The following USP53 variants were observed in gnomAD, a reference collection of about 807,000 sequenced individuals.
The protein encoded by USP53 is ubiquitin carboxyl-terminal hydrolase 53.
Under a neutral mutation model 94.9 loss-of-function variants are expected in USP53, and 71 were observed. The ratio of observed to expected loss-of-function variants is 0.75; its 90% CI spans 0.62 to 0.91. The LOEUF is 0.91. Ranked by LOEUF, USP53 falls within the 40% of genes least tolerant of loss-of-function variation. The pLI, the probability that USP53 is intolerant of heterozygous loss-of-function variation, is 0.00. For missense variants in USP53, 1,173 were observed against 1,281.0 expected, an observed-to-expected ratio of 0.92 and a Z score of 1.29; for synonymous variants, 375 against 422.7, an observed-to-expected ratio of 0.89 and a Z score of 1.39.
chr4:119,256,605 G>A, intron 9 of USP53, 82 bp downstream of exon 9: 7 of 1,396,696 alleles, frequency 5.0e-6, no homozygotes, highest in Non-Finnish European at 7.1e-6. Flanking sequence ...TAAAATCATA[G>A]CATACATGAA....
chr4:119,271,977 T>C lies in USP53; in HGVS notation c.2117T>C (p.Ile706Thr), dbSNP rs1025445907. 3 of 1,613,182 alleles carry C rather than the reference T, an allele frequency of 1.9e-6. No homozygotes were observed. The highest frequency in any genetic ancestry group is 1.7e-5 in the Admixed American group (1 of 59,822). The change falls in exon 16 of 19, where the codon ATC becomes ACC. Residue 706 changes from isoleucine (I) to threonine (T), a missense_variant. Coordinates refer to ENST00000692078, the MANE Select transcript of USP53 (RefSeq NM_001371395.1). ...TCTACTAATTTGGACTCACCTGTTA[T>C]CGATGGAAATGGTACAGTAATGGAT... is the stretch of plus-strand genomic sequence containing the variant. ...NGSTNLDSPV[I>T]DGNGTVMDIS...
intron 7 of USP53, among the ~76,000 whole-genome samples, chr4:119,254,999 GGGGTTTGCT>G (rs1219155095): frequency 6.6e-6 from 1 of 152,124 alleles, no homozygotes; most frequent in African/African-American, 2.4e-5. Context: ...CAGGTCTGTT[GGGGTTTGCT>G]GGAGGTCCAC....
At chr4:119,228,113 C>T (rs903691314) in intron 3 of USP53, among the ~76,000 whole-genome samples, 5 of 152,184 alleles carry the variant, frequency 3.3e-5, no homozygotes, top group Non-Finnish European at 5.9e-5. Flanking sequence ...GGTCAGAAGT[C>T]TAGGTCGTTT....
At chr4:119,251,907 A>G (rs779088767) in intron 7 of USP53, among the ~76,000 whole-genome samples, 2 of 152,148 alleles carry the variant, frequency 1.3e-5, no homozygotes, top group African/African-American at 4.8e-5. Flanking sequence ...GATACATTCT[A>G]TTGATACCTA....
chr4:119,280,817 G>A (rs1371695617), intron 17 of USP53, among the ~76,000 whole-genome samples: 1 of 152,218 alleles, frequency 6.6e-6, no homozygotes, highest in African/African-American at 2.4e-5. Flanking sequence ...GGGGATATGG[G>A]TGAGGAGGAC....
At chr4:119,261,924 T>G (rs895537077) in intron 12 of USP53, 60 bp downstream of exon 12, 4 of 1,235,704 alleles carry the variant, frequency 3.2e-6, no homozygotes, top group Non-Finnish European at 4.3e-6. Flanking sequence ...TGTTAATAAA[T>G]GATATATTGA....
In USP53 at chr4:119,292,418, A is replaced by C. The variant is rs777022555; in HGVS notation, c.2429A>C (p.His810Pro). 9 of 1,613,878 alleles carry C rather than the reference A, an allele frequency of 5.6e-6. No homozygotes were observed. In the East Asian group the frequency reaches 6.7e-5, roughly 12 times the overall value. Residue 810 changes from histidine to proline, a missense_variant, in exon 19 of 19, where the codon CAT (histidine) becomes CCT (proline). Physicochemically the swap from His to Pro is moderately conservative, Grantham distance 77. Coordinates refer to ENST00000692078, the MANE Select transcript of USP53 (RefSeq NM_001371395.1). Reference protein sequence around the residue: ...QIPKDHNAREHIHQSDEQKLE... With the variant: ...QIPKDHNAREPIHQSDEQKLE... ...CCCAAGGACCATAATGCAAGAGAAC[A>C]TATCCACCAGTCAGATGAACAGAAA...
intron 3 of USP53, among the ~76,000 whole-genome samples, chr4:119,233,164 TTCTC>T (rs1354403347): frequency 3.7e-4 from 54 of 146,128 alleles, no homozygotes; most frequent in Admixed American, 2.7e-4. Context: ...GTGTTTATGT[TTCTC>T]TCTCTCTTTT....
intron 17 of USP53, among the ~76,000 whole-genome samples, chr4:119,279,360 G>A (rs1180519720): frequency 4.7e-5 from 7 of 149,628 alleles, no homozygotes; most frequent in Admixed American, 6.7e-5. Context: ...GTACCCTGCC[G>A]TGTGAGGTGT....
intron 2 of USP53, among the ~76,000 whole-genome samples, chr4:119,216,387 A>G (rs1263895940): frequency 6.6e-6 from 1 of 152,124 alleles, no homozygotes; most frequent in Non-Finnish European, 1.5e-5. Context: ...TCTAAAAAAA[A>G]AAAAAAATCA....
intron 15 of USP53, among the ~76,000 whole-genome samples, chr4:119,270,805 A>G (rs1751761615): frequency 6.6e-6 from 1 of 152,214 alleles, no homozygotes; most frequent in African/African-American, 2.4e-5. Flanking sequence ...GAGCCATAGC[A>G]TAAAATTCCT....
At chr4:119,282,959 T>C (rs1021094271) in intron 17 of USP53, among the ~76,000 whole-genome samples, 3 of 152,020 alleles carry the variant, frequency 2.0e-5, no homozygotes, top group African/African-American at 7.2e-5. Flanking sequence ...TGTCAATTTT[T>C]AATATTAGTC....
At chr4:119,248,631 A>T in intron 6 of USP53, 117 bp from the exon 7 acceptor site, 2 of 1,263,478 alleles carry the variant, frequency 1.6e-6, no homozygotes, top group South Asian at 3.3e-5. Flanking sequence ...TTTAGAGCAA[A>T]AGACTTCTGT....
At chr4:119,267,263 G>GT in intron 12 of USP53, 57 bp from the exon 13 acceptor site, 2 of 1,536,040 alleles carry the variant, frequency 1.3e-6, no homozygotes, top group Non-Finnish European at 1.8e-6. Context: ...GTCTTTTCAT[G>GT]TAACACATTG....
chr4:119,280,190 C>T (rs553106067), intron 17 of USP53, among the ~76,000 whole-genome samples: 2 of 151,282 alleles, frequency 1.3e-5, no homozygotes, highest in East Asian at 3.9e-4. Flanking sequence ...CATTAGATTG[C>T]TTCCTTTTTT....
intron 3 of USP53, among the ~76,000 whole-genome samples, chr4:119,227,946 TG>T (rs1745546924): frequency 6.6e-6 from 1 of 152,250 alleles, no homozygotes; most frequent in Non-Finnish European, 1.5e-5. Context: ...CTCAAAAGTA[TG>T]AGTCCATTTA....
At chr4:119,250,865 T>C (rs1034733681) in intron 7 of USP53, among the ~76,000 whole-genome samples, 1 of 152,082 alleles carries the variant, frequency 6.6e-6, no homozygotes, top group Non-Finnish European at 1.5e-5. Flanking sequence ...AGCCTTTGTT[T>C]TGCTGTTATT....
In USP53 at chr4:119,260,632, A is replaced by G; in HGVS notation, c.801A>G (p.Ala267=). ...CCGAAGCTGTTGTTCGGAATCTAGC[A>G]ACACATCTTTATCTTCCTGGGGTAT... ...DLTEAVVRNL[A]THLYLPGLFY... is the part of the protein sequence containing the mutation. The change falls in exon 11 of 19, where the codon GCA becomes GCG. Residue 267 remains alanine (A), a synonymous_variant. Coordinates refer to ENST00000692078, the MANE Select transcript of USP53 (RefSeq NM_001371395.1). The G allele has an allele frequency of 1.2e-6, 2 of 1,613,716 alleles. No homozygotes were observed. Among genetic ancestry groups the G allele is most frequent in the Non-Finnish European group, 1.7e-6 (2 of 1,179,762 alleles).
At chr4:119,292,127 ACACT>A (rs1486351307) in intron 18 of USP53, among the ~76,000 whole-genome samples, 4 of 152,134 alleles carry the variant, frequency 2.6e-5, no homozygotes, top group East Asian at 1.9e-4. Flanking sequence ...TTTCTGGTAA[ACACT>A]CACATATTCT....
Sources: allele counts gnomAD v4.1 joint callset (sites outside exome capture counted in the v4.1 genomes callset), GRCh38; gene constraint gnomAD v4.1.1; transcripts MANE v1.5; gene names NCBI Gene and HGNC (gene_info 2026-07-23, HGNC 2026-07-21).